Variants in SRPK2 observed in about 807,000 individuals in gnomAD.
The protein encoded by SRPK2 is SRSF protein kinase 2.
SRPK2 carries 21 observed loss-of-function variants against 90.8 expected under a neutral mutation model. The ratio of observed to expected loss-of-function variants is 0.23; its 90% confidence interval spans 0.16 to 0.33. The LOEUF is 0.33. Among genes scored for constraint, SRPK2 ranks in the 10% least tolerant of loss-of-function variants. The probability of loss-of-function intolerance (pLI) is 1.00; values close to 1 mark genes in which losing one functional copy is unlikely to be tolerated. For synonymous variants in SRPK2, 288 were observed against 311.1 expected (o/e 0.93, Z 0.78); for missense variants, 620 against 869.0 (o/e 0.71, Z 3.60).
At chr7:105,339,780 G>C (rs578192532) in intron 2 of SRPK2, among the ~76,000 whole-genome samples, 1 of 152,190 alleles carries the variant, frequency 6.6e-6, no homozygotes, top group Non-Finnish European at 1.5e-5. Flanking sequence ...CACGATCCTG[G>C]CCAGGAGCGG....
chr7:105,149,166 T>G (rs1456445737), intron 7 of SRPK2, among the ~76,000 whole-genome samples: 2 of 152,122 alleles, frequency 1.3e-5, no homozygotes, highest in Non-Finnish European at 2.9e-5. Flanking sequence ...GTCTCCTGCC[T>G]GCCCCTGGGA....
chr7:105,115,376 C>A (rs1435994609), downstream of SRPK2: 4 of 152,194 alleles, frequency 2.6e-5, no homozygotes, highest in Non-Finnish European at 4.4e-5. Context: ...CTCGGAAGAT[C>A]TTATATCCAC....
chr7:105,330,429 T>C (rs960943471), intron 2 of SRPK2, among the ~76,000 whole-genome samples: 1 of 152,118 alleles, frequency 6.6e-6, no homozygotes, highest in African/African-American at 2.4e-5. Flanking sequence ...CCTGTCTCCA[T>C]TTCTATTCAT....
rs1821996733 is a variant in SRPK2, at chr7:105,388,901, G to T, written c.-95C>A. 8.1e-7 allele frequency: 1 copy of T among 1,235,328 alleles called. No homozygotes were observed. The highest frequency in any genetic ancestry group is 1.0e-6 in the Non-Finnish European group (1 of 992,246). 76.5% of individuals were successfully genotyped at this position (1,235,328 alleles called of 1,614,324 possible). ...AGCCTCCACTCGCTCCGCCGGCCGG[G>T]AGGAGACGAGAACCGCGCCTGCGCC... On this transcript the variant is annotated 5_prime_UTR_variant, in exon 1 of 16. Transcript: ENST00000393651.
intron 2 of SRPK2, among the ~76,000 whole-genome samples, 200 bp from the exon 3 acceptor site, chr7:105,203,985 C>T (rs969163922): frequency 2.7e-5 from 4 of 150,404 alleles, no homozygotes; most frequent in African/African-American, 9.8e-5. Flanking sequence ...AAAAAAAAAT[C>T]TGCCCTTATT....
intron 2 of SRPK2, among the ~76,000 whole-genome samples, chr7:105,375,444 A>T (rs1287089453): frequency 6.6e-6 from 1 of 152,174 alleles, no homozygotes; most frequent in African/African-American, 2.4e-5. Flanking sequence ...CACTTTGGGG[A>T]GCCAAGGTGG....
chr7:105,120,957 C>T (rs1179809812), intron 15 of SRPK2, among the ~76,000 whole-genome samples: 1 of 152,162 alleles, frequency 6.6e-6, no homozygotes, highest in African/African-American at 2.4e-5. Flanking sequence ...ACCTCCATCA[C>T]TTAGAATGAT....
intron 13 of SRPK2, among the ~76,000 whole-genome samples, chr7:105,131,707 G>C (rs944239536): frequency 6.6e-6 from 1 of 152,126 alleles, no homozygotes; most frequent in Non-Finnish European, 1.5e-5. Flanking sequence ...CAAGAAAATT[G>C]TTAAATTAAC....
intron 3 of SRPK2, among the ~76,000 whole-genome samples, chr7:105,173,753 C>A (rs999352170): frequency 6.6e-6 from 1 of 152,136 alleles, no homozygotes; most frequent in African/African-American, 2.4e-5. Context: ...GAGTATGGGA[C>A]AATAACACTG....
intron 3 of SRPK2, among the ~76,000 whole-genome samples, chr7:105,191,354 T>C (rs1794256065): frequency 6.6e-6 from 1 of 152,054 alleles, no homozygotes; most frequent in Non-Finnish European, 1.5e-5. Context: ...GGAGATTCCT[T>C]GAGCTCAGGA....
chr7:105,170,911 G>GAAA (rs1451902755), intron 3 of SRPK2, among the ~76,000 whole-genome samples: 8 of 89,554 alleles, frequency 8.9e-5, no homozygotes, highest in African/African-American at 2.2e-4. Context: ...AAGAAAGAAA[G>GAAA]AAAGGAGAAA....
At chr7:105,216,524 C>T (rs759652102) in intron 2 of SRPK2, among the ~76,000 whole-genome samples, 50 of 151,956 alleles carry the variant, frequency 3.3e-4, no homozygotes, top group Non-Finnish European at 5.3e-4. Flanking sequence ...CATGGTGGCA[C>T]GCGCCTGTGG....
intron 2 of SRPK2, among the ~76,000 whole-genome samples, chr7:105,349,522 C>CA (rs572686995): frequency 0.24 from 21,043 of 88,600 alleles, 2,251 homozygotes; most frequent in East Asian, 0.61. Context: ...AACTCCATCT[C>CA]AAAAAAAAAA....
chr7:105,214,104 C>A (rs935657460), intron 2 of SRPK2, among the ~76,000 whole-genome samples: 1 of 152,200 alleles, frequency 6.6e-6, no homozygotes, highest in African/African-American at 2.4e-5. Context: ...TCAGTAGTCA[C>A]ATATGGCTGG....
At chr7:105,279,857 T>C (rs1341762385) in intron 2 of SRPK2, among the ~76,000 whole-genome samples, 1 of 152,184 alleles carries the variant, frequency 6.6e-6, no homozygotes, top group Non-Finnish European at 1.5e-5. Context: ...CACAAGTTCT[T>C]AGATAACTGT....
At chr7:105,202,390 A>G (rs994075869) in intron 3 of SRPK2, among the ~76,000 whole-genome samples, 2 of 152,206 alleles carry the variant, frequency 1.3e-5, no homozygotes, top group African/African-American at 4.8e-5. Context: ...ATAGAATCTG[A>G]TTTACAATTT....
intron 2 of SRPK2, among the ~76,000 whole-genome samples, chr7:105,363,748 G>A (rs1227156265): frequency 4.6e-5 from 7 of 152,026 alleles, no homozygotes; most frequent in South Asian, 2.1e-4. Context: ...TTATTATTGC[G>A]GCACTATTCA....
intron 2 of SRPK2, chr7:105,304,225 T>A (rs540038476): frequency 6.6e-6 from 1 of 152,350 alleles, no homozygotes; most frequent in South Asian, 2.1e-4. Context: ...TCATCCTATT[T>A]TGGCTCACAG....
intron 2 of SRPK2, among the ~76,000 whole-genome samples, chr7:105,283,125 C>T (rs988642040): frequency 1.3e-5 from 2 of 152,086 alleles, no homozygotes; most frequent in Non-Finnish European, 2.9e-5. Context: ...GGGCTATAAT[C>T]GAAAAGACAG....
Sources: gnomAD v4.1 joint callset for allele counts (sites outside exome capture counted in the v4.1 genomes callset) on GRCh38, gnomAD v4.1.1 for gene constraint, MANE v1.5 for transcripts, NCBI Gene and HGNC (gene_info 2026-07-23, HGNC 2026-07-21) for gene names.